Variants in HIVEP3 observed in about 807,000 individuals in gnomAD.
HIVEP3 encodes transcription factor HIVEP3.
Under a neutral mutation model 152.8 loss-of-function variants are expected in HIVEP3, and 49 were observed. That is an observed-to-expected ratio of 0.32 (90% CI 0.26 to 0.41). HIVEP3 has a LOEUF of 0.41. Among genes scored for constraint, HIVEP3 ranks in the 10% least tolerant of loss-of-function variants. HIVEP3 has a pLI of 1.00. For missense variants in HIVEP3, 2,790 were observed against 3,103.3 expected (o/e 0.90, Z 2.40); for synonymous variants, 1,269 against 1,289.0 (o/e 0.98, Z 0.33).
intron 1 of HIVEP3, chr1:41,848,870 C>T (rs1307690339): frequency 2.0e-5 from 3 of 152,556 alleles, no homozygotes; most frequent in Non-Finnish European, 2.9e-5. Context: ...AATGAACTTA[C>T]TTCTACCCTT....
At chr1:41,783,780 C>T (rs533974507) in intron 1 of HIVEP3, among the ~76,000 whole-genome samples, 245 of 152,288 alleles carry the variant, frequency 1.6e-3, no homozygotes, top group Non-Finnish European at 2.6e-3. Context: ...GGCTGAACCC[C>T]GCTCAGAAAG....
chr1:41,584,079 T>C lies in HIVEP3; in HGVS notation c.719A>G (p.Lys240Arg). The change falls in exon 4 of 9, where the codon AAG becomes AGG. Residue 240 changes from lysine (K) to arginine (R), a missense_variant. Physicochemically the swap from Lys to Arg is conservative, Grantham distance 26. This residue lies in a region of HIVEP3 where 25 missense variants were observed against 75.9 expected (regional missense o/e 0.33). Coordinates refer to ENST00000372583, the MANE Select transcript of HIVEP3 (RefSeq NM_024503.5). This position sits in a 1 kb window ranked among gnomAD's most constrained non-coding sequence, Gnocchi z 5.2. ...TGCTTTGATGCGGTGGGCATGGGAC[T>C]TCCTGTGCTTGTAGAGATTACTCTT... ...KTKSNLYKHR[K>R]SHAHRIKAGL... 1 of 1,614,182 alleles carries C rather than the reference T, an allele frequency of 6.2e-7. No homozygotes were observed. Among genetic ancestry groups the C allele is most frequent in the Non-Finnish European group, 8.5e-7 (1 of 1,180,030 alleles).
At chr1:41,757,704 T>TATTTATTC (rs1247856847) in intron 1 of HIVEP3, among the ~76,000 whole-genome samples, 3 of 150,076 alleles carry the variant, frequency 2.0e-5, no homozygotes, top group South Asian at 2.1e-4. Flanking sequence ...TGTATTTATT[T>TATTTATTC]ATTTATTTAT....
chr1:41,659,435 T>C (rs1428251527), intron 2 of HIVEP3, among the ~76,000 whole-genome samples: 1 of 152,196 alleles, frequency 6.6e-6, no homozygotes, highest in Non-Finnish European at 1.5e-5. Context: ...GCAAACTCCC[T>C]GAAAGAAGGG....
intron 1 of HIVEP3, among the ~76,000 whole-genome samples, chr1:41,712,359 GAC>G (rs1280673597): frequency 1.3e-5 from 2 of 152,230 alleles, no homozygotes; most frequent in Admixed American, 6.5e-5. Context: ...AGGTGCTGGA[GAC>G]ACAGCCCTGG....
intron 1 of HIVEP3, among the ~76,000 whole-genome samples, chr1:41,952,250 T>C (rs750602026): frequency 1.8e-4 from 27 of 152,180 alleles, no homozygotes; most frequent in Non-Finnish European, 3.4e-4. Flanking sequence ...TGCTTCTCAC[T>C]TCATGAATTT....
intron 1 of HIVEP3, among the ~76,000 whole-genome samples, chr1:41,775,256 TCTC>T (rs1480872661): frequency 6.6e-6 from 1 of 152,180 alleles, no homozygotes; most frequent in African/African-American, 2.4e-5. Flanking sequence ...ATCAAAAGTC[TCTC>T]CTCTTAGTCT....
intron 5 of HIVEP3, among the ~76,000 whole-genome samples, chr1:41,570,332 G>A (rs1305619319): frequency 6.6e-6 from 1 of 152,180 alleles, no homozygotes; most frequent in African/African-American, 2.4e-5. Context: ...TAATCCCCAT[G>A]TGTCAAGGGA....
chr1:41,510,922 C>A lies in HIVEP3; in HGVS notation c.6750G>T (p.Ser2250=), dbSNP rs139361589. 2 of 1,613,576 alleles carry A rather than the reference C, an allele frequency of 1.2e-6. No individual in the cohort carries two copies. The highest frequency in any genetic ancestry group is 4.5e-5 in the East Asian group (2 of 44,872). The stretch of plus-strand genomic sequence containing the variant: ...TAGCCACAGGCGACACGGAGGCTGA[C>A]GAGCTCTCAGTGGGACTCCAGCGGC... ...ERGRWSPTES[S]SASVSPVAKV... The change falls in exon 9 of 9, where the codon TCG becomes TCT. Residue 2250 remains serine, a synonymous_variant. Coordinates refer to ENST00000372583, the MANE Select transcript of HIVEP3 (RefSeq NM_024503.5).
intron 5 of HIVEP3, among the ~76,000 whole-genome samples, chr1:41,545,590 T>TCACCACCAC (rs1392801049): frequency 5.0e-5 from 1 of 20,110 alleles, no homozygotes; most frequent in African/African-American, 2.0e-4. Context: ...ACCATCACCA[T>TCACCACCAC]CACCACCACC....
intron 1 of HIVEP3, among the ~76,000 whole-genome samples, chr1:41,820,084 T>A (rs1407598010): frequency 6.6e-6 from 1 of 152,148 alleles, no homozygotes; most frequent in African/African-American, 2.4e-5. Flanking sequence ...GCCCACCACC[T>A]GTTAGATCAA....
At chr1:41,855,595 T>C (rs1039761617) in intron 1 of HIVEP3, among the ~76,000 whole-genome samples, 3 of 152,236 alleles carry the variant, frequency 2.0e-5, no homozygotes, top group African/African-American at 7.2e-5. Context: ...CAAACTCACC[T>C]TCTCCATGAA....
At chr1:41,801,319 C>T (rs1423891336) in intron 1 of HIVEP3, among the ~76,000 whole-genome samples, 1 of 152,138 alleles carries the variant, frequency 6.6e-6, no homozygotes, top group African/African-American at 2.4e-5. Flanking sequence ...CTCCCTTCTT[C>T]CCTTTCCAAG....
intron 2 of HIVEP3, among the ~76,000 whole-genome samples, chr1:41,661,698 T>C (rs1228245443): frequency 2.0e-5 from 3 of 152,200 alleles, no homozygotes; most frequent in African/African-American, 7.2e-5. Context: ...GCCAAACCCA[T>C]TCAGCAGCTC....
rs560422317 is a variant in HIVEP3 at position 41,970,847 on chromosome 1, TA to T, written n.120-52324del. 2.2e-3 allele frequency among the ~76,000 whole-genome samples: 328 copies of T among 152,216 alleles called. 1 individual carries two copies. Among genetic ancestry groups the T allele is most frequent in the African/African-American group, 7.6e-3 (314 of 41,526 alleles). On this transcript the variant is annotated intron_variant and non_coding_transcript_variant, in intron 1 of 3. Transcript: ENST00000489103. ...ACATTGGAGCAACCCTGCCACAAGC[TA>T]AGGAACATCTAGGGCTACCAGAAGT...
At chr1:41,716,832 T>C (rs1004720285) in intron 1 of HIVEP3, among the ~76,000 whole-genome samples, 3 of 152,214 alleles carry the variant, frequency 2.0e-5, no homozygotes, top group Non-Finnish European at 4.4e-5. Context: ...CGAAGCCGGT[T>C]AGAAGCCAGG....
chr1:41,867,200 G>A (rs763033718), intron 1 of HIVEP3, among the ~76,000 whole-genome samples: 2 of 152,116 alleles, frequency 1.3e-5, no homozygotes, highest in Non-Finnish European at 2.9e-5. Context: ...GCCAGCCTCC[G>A]AGACTCTCCA....
At chr1:41,874,410 A>G (rs943747729) in intron 1 of HIVEP3, among the ~76,000 whole-genome samples, 2 of 152,162 alleles carry the variant, frequency 1.3e-5, no homozygotes, top group African/African-American at 4.8e-5. Context: ...ACCTGTCAAG[A>G]GAAAAGTCTT....
At position 41,866,660 on chromosome 1, in the gene HIVEP3, CA is replaced by C. The variant is rs36125167; in HGVS notation, c.-801+51752del. Among the ~76,000 whole-genome samples the C allele has an allele frequency of 6.6e-3, 1,000 of 152,316 alleles. 4 individuals are homozygous for C. Among genetic ancestry groups the C allele is most frequent in the Middle Eastern group, 0.024 (7 of 294 alleles). ...TCCCCAGCTACCTCCTCCTCTTCTC[CA>C]AATCAGCCTTCTCTTGGCTCAGTTT... On this transcript the variant is annotated intron_variant, in intron 1 of 8. Transcript: ENST00000372583.
Sources: gnomAD v4.1 joint callset for allele counts (sites outside exome capture counted in the v4.1 genomes callset) on GRCh38, gnomAD v4.1.1 for gene constraint, gnomAD v4.1.1 regional missense constraint, Gnocchi (gnomAD v3.1) non-coding constraint, MANE v1.5 for transcripts, NCBI Gene and HGNC (gene_info 2026-07-23, HGNC 2026-07-21) for gene names.